HGD: variants seen among roughly 807,000 people sequenced by gnomAD.
The protein encoded by HGD is homogentisate 1,2-dioxygenase.
HGD carries 61 observed loss-of-function variants against 60.8 expected under a neutral mutation model. The observed-to-expected ratio is 1.00, with a 90% CI of 0.82 to 1.24. HGD has a LOEUF of 1.24. HGD is among the 50% of genes most tolerant of loss of function. The pLI is 0.00. For synonymous variants in HGD, 212 were observed against 187.7 expected (o/e 1.13, Z -1.06); for missense variants, 542 against 547.1 (o/e 0.99, Z 0.09).
In HGD at chr3:120,628,366, G is replaced by A; in HGVS notation, c.*14C>T. On this transcript the variant is annotated 3_prime_UTR_variant, in exon 14 of 14. Coordinates refer to ENST00000283871, the MANE Select transcript of HGD (RefSeq NM_000187.4). The stretch of plus-strand genomic sequence containing the variant: ...CACAAATCTACTCTTAATTATGGTA[G>A]CAATGTTCCAGTCTCAATTAGGTTC... 6.2e-7 allele frequency: 1 copy of A among 1,612,948 alleles called. No homozygotes were observed. The highest frequency in any genetic ancestry group is 8.5e-7 in the Non-Finnish European group (1 of 1,179,116).
Position 120,638,535 on chromosome 3 carries a change from C to G in HGD, c.926G>C (p.Gly309Ala). ...GATGACAAAATCAGCAATGGCCACT[C>G]CAGGGCGGACAGACTTAGCAGTCAA... ...TVLTAKSVRP[G>A]VAIADFVIFP... Residue 309 changes from glycine (G) to alanine (A), a missense_variant, in exon 12 of 14, where the codon GGA (glycine) becomes GCA (alanine). Coordinates refer to ENST00000283871, the MANE Select transcript of HGD (RefSeq NM_000187.4). 1 of 1,613,952 alleles carries G rather than the reference C, an allele frequency of 6.2e-7. No individual in the cohort carries two copies. Among genetic ancestry groups the G allele is most frequent in the Non-Finnish European group, 8.5e-7 (1 of 1,179,938 alleles).
In HGD at chr3:120,633,190, C is replaced by T; in HGVS notation, c.1145G>A (p.Ser382Asn). The T allele has an allele frequency of 1.2e-6, 2 of 1,614,136 alleles. No homozygotes were observed. The highest frequency in any genetic ancestry group is 1.7e-6 in the Non-Finnish European group (2 of 1,180,030). The change falls in exon 13 of 14, where the codon AGC (serine) becomes AAC (asparagine). Residue 382 changes from serine to asparagine, a missense_variant. Physicochemically the swap from Ser to Asn is conservative, Grantham distance 46. Around this residue, in one of 2 missense-constraint regions of HGD, gnomAD observed 537 missense variants for 529.1 expected, o/e 1.01. Coordinates refer to ENST00000283871, the MANE Select transcript of HGD (RefSeq NM_000187.4). ...GPDADCFEKA[S>N]KVKLAPERIA... The stretch of plus-strand genomic sequence containing the variant: ...CCTCTCAGGTGCCAGCTTGACCTTG[C>T]TGGCCTTCTCAAAGCAGTCAGCATC...
intron 2 of HGD, among the ~76,000 whole-genome samples, chr3:120,675,444 A>G (rs938733706): frequency 3.3e-5 from 5 of 152,016 alleles, no homozygotes; most frequent in African/African-American, 4.8e-5. Flanking sequence ...TAGTATGAAC[A>G]TCTTTGTGCA....
intron 4 of HGD, among the ~76,000 whole-genome samples, chr3:120,667,267 A>T (rs746609905): frequency 7.0e-6 from 1 of 142,310 alleles, no homozygotes; most frequent in East Asian, 2.2e-4. Flanking sequence ...TCAAGGCTGC[A>T]GTGAGCTGTG....
rs562853291 is a variant in HGD at position 120,644,419 on chromosome 3, C to T, written c.674G>A (p.Arg225His). ...PIGANGLANPRDFLIPIAWYE... is the reference protein window; with the variant it reads ...PIGANGLANPHDFLIPIAWYE... ...CCAGGCAATGGGTATCAAGAAATCA[C>T]GAGGATTGGCCAAGCCATTGGCCCC... Residue 225 changes from arginine to histidine, a missense_variant, in exon 10 of 14, where the codon CGT becomes CAT. Coordinates refer to ENST00000283871, the MANE Select transcript of HGD (RefSeq NM_000187.4). The T allele has an allele frequency of 7.4e-6, 12 of 1,613,972 alleles. No homozygotes were observed. The highest frequency in any genetic ancestry group is 1.7e-5 in the Admixed American group (1 of 60,002).
intron 13 of HGD, among the ~76,000 whole-genome samples, chr3:120,630,913 A>C (rs2107486760): frequency 1.3e-5 from 2 of 150,676 alleles, no homozygotes; most frequent in Admixed American, 1.3e-4. Flanking sequence ...AAAAAAGAAC[A>C]AGATCATGTG....
At chr3:120,679,333 T>C (rs1708190276) in intron 1 of HGD, among the ~76,000 whole-genome samples, 1 of 152,174 alleles carries the variant, frequency 6.6e-6, no homozygotes. Context: ...GAAGTCAGGG[T>C]AGAGATGAAA....
chr3:120,677,576 G>T lies in HGD; in HGVS notation c.16-1713C>A, dbSNP rs534703664. On this transcript the variant is annotated intron_variant, in intron 1 of 13. Transcript: ENST00000283871. ...TGTCTCCTGATAAGATGTTATCAATGACAATGGTGCCCGAAACTTCATTAG... is the reference window on the plus strand; with the variant it reads ...TGTCTCCTGATAAGATGTTATCAATTACAATGGTGCCCGAAACTTCATTAG... Among the ~76,000 whole-genome samples the T allele has an allele frequency of 5.3e-5, 8 of 152,334 alleles. No individual in the cohort carries two copies. In the South Asian group the frequency reaches 1.7e-3, roughly 32 times the overall value.
chr3:120,680,936 A>T (rs1708220103), intron 1 of HGD, among the ~76,000 whole-genome samples: 1 of 152,234 alleles, frequency 6.6e-6, no homozygotes, highest in Non-Finnish European at 1.5e-5. Flanking sequence ...TACCTAGCCC[A>T]GACTCAGTTC....
At chr3:120,647,933 T>G (rs1941216260) in intron 6 of HGD, 22 bp from the exon 7 acceptor site, 1 of 1,593,000 alleles carries the variant, frequency 6.3e-7, no homozygotes, top group African/African-American at 1.3e-5. Context: ...AGAGTAATTC[T>G]TGTGATTTTC....
chr3:120,655,998 C>A (rs1941484936), intron 4 of HGD, among the ~76,000 whole-genome samples: 1 of 152,178 alleles, frequency 6.6e-6, no homozygotes, highest in Non-Finnish European at 1.5e-5. Flanking sequence ...TGTGTTGAAG[C>A]CCTAACCTTC....
At chr3:120,664,128 G>A (rs982625546) in intron 4 of HGD, among the ~76,000 whole-genome samples, 2 of 152,102 alleles carry the variant, frequency 1.3e-5, no homozygotes, top group Admixed American at 1.3e-4. Flanking sequence ...GCCAAATGGG[G>A]TAGGGGATCT....
intron 5 of HGD, among the ~76,000 whole-genome samples, chr3:120,651,696 T>G (rs1414083478): frequency 6.6e-6 from 1 of 152,136 alleles, no homozygotes; most frequent in Non-Finnish European, 1.5e-5. Flanking sequence ...TGCAGAACCC[T>G]CCACTGGTCT....
Position 120,628,307 on chromosome 3 carries a change from A to C in HGD, c.*73T>G. On this transcript the variant is annotated 3_prime_UTR_variant, in exon 14 of 14. Transcript: ENST00000283871. ...ATTTTAACCAACCCCCTCCTCCAAT[A>C]CTACCAGAAAGCATGAGATTCTGAA... is the stretch of plus-strand genomic sequence containing the variant. The C allele has an allele frequency of 6.6e-7, 1 of 1,519,106 alleles. No individual in the cohort carries two copies. Among genetic ancestry groups the C allele is most frequent in the Non-Finnish European group, 9.1e-7 (1 of 1,095,260 alleles). The allele number at this position is 1,519,106 out of a possible 1,614,324, so 94.1% of individuals were successfully genotyped here.
At chr3:120,678,895 A>T (rs1708182217) in intron 1 of HGD, among the ~76,000 whole-genome samples, 1 of 152,222 alleles carries the variant, frequency 6.6e-6, no homozygotes, top group Admixed American at 6.5e-5. Context: ...CTCTGCTTTT[A>T]TCAGCTGCGA....
intron 12 of HGD, 175 bp from the exon 13 acceptor site, chr3:120,633,503 G>T (rs1419021395): frequency 6.6e-7 from 1 of 1,516,100 alleles, no homozygotes; most frequent in Non-Finnish European, 8.8e-7. Context: ...ATTCATATTG[G>T]CATTCTTGGC....
At chr3:120,665,229 C>T (rs1707872152) in intron 4 of HGD, among the ~76,000 whole-genome samples, 1 of 152,156 alleles carries the variant, frequency 6.6e-6, no homozygotes. Flanking sequence ...AGACAGAAGG[C>T]ATTTTATGAT....
rs747620917 is a variant in HGD at position 120,641,621 on chromosome 3, T to A, written c.847A>T (p.Met283Leu). The change falls in exon 11 of 14, where the codon ATG (methionine) becomes TTG (leucine). Residue 283 changes from methionine to leucine, a missense_variant. Met to Leu is a conservative substitution (Grantham distance 15, BLOSUM62 2). Coordinates refer to ENST00000283871, the MANE Select transcript of HGD (RefSeq NM_000187.4). ...TCAAAGGCCACTGAGTTGATAACCA[T>A]GAAATTCTTCAGGTTGTACTTGTAG... Reference protein sequence around the residue: ...TPYKYNLKNFMVINSVAFDHA... With the variant: ...TPYKYNLKNFLVINSVAFDHA... 1 of 1,613,798 alleles carries A rather than the reference T, an allele frequency of 6.2e-7. No homozygotes were observed. The highest frequency in any genetic ancestry group is 8.5e-7 in the Non-Finnish European group (1 of 1,179,704).
At chr3:120,630,825 T>TATATATATATATATATATATACAC in intron 13 of HGD, among the ~76,000 whole-genome samples, 1 of 104,128 alleles carries the variant, frequency 9.6e-6, no homozygotes, top group Non-Finnish European at 1.8e-5. Flanking sequence ...TATATATATA[T>TATATATATATATATATATATACAC]ACACATACAC....
Sources: gnomAD v4.1 joint callset for allele counts (sites outside exome capture counted in the v4.1 genomes callset) on GRCh38, gnomAD v4.1.1 for gene constraint, gnomAD v4.1.1 regional missense constraint, MANE v1.5 for transcripts, NCBI Gene and HGNC (gene_info 2026-07-23, HGNC 2026-07-21) for gene names.